Variants in PTN observed in about 807,000 individuals in gnomAD.
The protein encoded by PTN is pleiotrophin.
A neutral mutation model predicts 24.1 loss-of-function variants in PTN; 18 were observed. That is an observed-to-expected ratio of 0.75 (90% CI 0.52 to 1.11). The LOEUF (loss-of-function observed/expected upper bound fraction) is 1.11, where lower values mean the gene tolerates loss of function less well. Among genes scored for constraint, PTN ranks in the 50% least tolerant of loss-of-function variants. The pLI is 0.00. For missense variants in PTN, 163 were observed against 198.8 expected, an observed-to-expected ratio of 0.82 and a Z score of 1.08; for synonymous variants, 78 against 68.6, an observed-to-expected ratio of 1.14 and a Z score of -0.67.
At chr7:137,306,091 C>A (rs1376316702) in intron 1 of PTN, among the ~76,000 whole-genome samples, 1 of 152,100 alleles carries the variant, frequency 6.6e-6, no homozygotes, top group Non-Finnish European at 1.5e-5. Flanking sequence ...CTGCCAGATT[C>A]TCATTAGGTC....
At chr7:137,237,030 TATAG>T (rs1430566921) in intron 4 of PTN, among the ~76,000 whole-genome samples, 3 of 152,180 alleles carry the variant, frequency 2.0e-5, no homozygotes, top group Non-Finnish European at 4.4e-5. Flanking sequence ...AAATTATAGA[TATAG>T]ATATAGTTAA....
intron 1 of PTN, among the ~76,000 whole-genome samples, chr7:137,337,961 CT>C (rs1049295735): frequency 5.3e-5 from 8 of 152,174 alleles, no homozygotes; most frequent in African/African-American, 1.9e-4. Flanking sequence ...TGCTAGGGTT[CT>C]TGAGAGAATG....
intron 4 of PTN, among the ~76,000 whole-genome samples, chr7:137,250,541 A>C (rs1465999731): frequency 6.6e-6 from 1 of 152,224 alleles, no homozygotes; most frequent in Non-Finnish European, 1.5e-5. Context: ...ATTTGGGAAA[A>C]CACAATTCAG....
At chr7:137,321,561 T>C (rs1455916951) in intron 1 of PTN, among the ~76,000 whole-genome samples, 1 of 152,250 alleles carries the variant, frequency 6.6e-6, no homozygotes, top group East Asian at 1.9e-4. Context: ...ATATTTTATA[T>C]ATAGGTTTAT....
At chr7:137,250,003 G>A (rs1808795433) in intron 4 of PTN, among the ~76,000 whole-genome samples, 1 of 152,088 alleles carries the variant, frequency 6.6e-6, no homozygotes, top group Non-Finnish European at 1.5e-5. Flanking sequence ...ACCTTCTGCA[G>A]ATTTTTTTTT....
chr7:137,340,409 G>T (rs371560679), intron 1 of PTN, among the ~76,000 whole-genome samples: 1 of 152,078 alleles, frequency 6.6e-6, no homozygotes, highest in Non-Finnish European at 1.5e-5. Context: ...AAACTATGCC[G>T]CACACTAGAC....
chr7:137,244,227 T>C (rs1808683039), intron 4 of PTN, among the ~76,000 whole-genome samples: 1 of 152,152 alleles, frequency 6.6e-6, no homozygotes, highest in African/African-American at 2.4e-5. Flanking sequence ...GCAATGAACC[T>C]TTCCCAGAGT....
chr7:137,313,002 T>C (rs527689702), intron 1 of PTN, among the ~76,000 whole-genome samples: 14 of 152,282 alleles, frequency 9.2e-5, no homozygotes, highest in South Asian at 8.3e-4. Context: ...TTATATGTGG[T>C]TTTGTTACAA....
chr7:137,254,540 ATT>A (rs71758827), intron 2 of PTN, among the ~76,000 whole-genome samples: 27,430 of 146,818 alleles, frequency 0.19, 3,089 homozygotes, highest in African/African-American at 0.31. Flanking sequence ...GTTGCAGTGC[ATT>A]TTTTTTTTTT....
chr7:137,229,556 C>G (rs1808393703), intron 4 of PTN, among the ~76,000 whole-genome samples: 1 of 151,770 alleles, frequency 6.6e-6, no homozygotes, highest in African/African-American at 2.4e-5. Flanking sequence ...AGTAGTATTT[C>G]TGTTCAATGT....
At position 137,331,584 on chromosome 7, in the gene PTN, C is replaced by T. The variant is rs565498390; in HGVS notation, c.-2+11855G>A. Among the ~76,000 whole-genome samples the T allele has an allele frequency of 7.9e-5, 12 of 152,264 alleles. No individual in the cohort carries two copies. In the East Asian group the frequency reaches 1.5e-3, roughly 20 times the overall value. ...CAAATAATAACAGAGCAAATAACTC[C>T]CTGAAGGATGCCAAGCCCTGGAGCG... On this transcript the variant is annotated intron_variant, in intron 1 of 4. Coordinates refer to ENST00000348225, the MANE Select transcript of PTN (RefSeq NM_002825.7).
intron 1 of PTN, chr7:137,327,000 A>G (rs1810273822): frequency 6.6e-6 from 1 of 152,202 alleles, no homozygotes; most frequent in East Asian, 1.9e-4. Flanking sequence ...AAAGTTGTGA[A>G]ACAGAGAAAG....
At chr7:137,328,163 A>T (rs1810292695) in intron 1 of PTN, among the ~76,000 whole-genome samples, 1 of 152,152 alleles carries the variant, frequency 6.6e-6, no homozygotes, top group African/African-American at 2.4e-5. Context: ...CCTTTTAAAA[A>T]TTTTTACTGT....
At chr7:137,239,177 C>T (rs1457382064) in intron 4 of PTN, among the ~76,000 whole-genome samples, 2 of 152,136 alleles carry the variant, frequency 1.3e-5, no homozygotes, top group African/African-American at 2.4e-5. Context: ...GAGTAAAACA[C>T]ACAAATGACT....
At chr7:137,265,480 A>G (rs1809125615) in intron 1 of PTN, among the ~76,000 whole-genome samples, 1 of 152,210 alleles carries the variant, frequency 6.6e-6, no homozygotes. Context: ...GCATCCCTTC[A>G]GGTCTCCAAG....
intron 1 of PTN, among the ~76,000 whole-genome samples, chr7:137,265,695 C>T (rs945257719): frequency 6.6e-6 from 1 of 152,196 alleles, no homozygotes; most frequent in African/African-American, 2.4e-5. Flanking sequence ...ACTGGAGGAC[C>T]ATCTTAGTGG....
chr7:137,311,435 C>T (rs1196938821), intron 1 of PTN, among the ~76,000 whole-genome samples: 2 of 152,150 alleles, frequency 1.3e-5, no homozygotes, highest in Non-Finnish European at 2.9e-5. Context: ...CTTTCCTTTG[C>T]ATTCACAATT....
In PTN at chr7:137,288,971, A is replaced by G. The variant is rs372114236; in HGVS notation, c.-1-33997T>C. Among the ~76,000 whole-genome samples the G allele has an allele frequency of 2.0e-5, 3 of 152,166 alleles. No homozygotes were observed. The East Asian group carries it at 5.8e-4, about 29-fold the overall frequency. ...TCCCTACTGAAATAATGTTAAGATT[A>G]CTATTTATTTTGCACTTATATGCAG... On this transcript the variant is annotated intron_variant, in intron 1 of 4. Coordinates refer to ENST00000348225, the MANE Select transcript of PTN (RefSeq NM_002825.7).
At chr7:137,251,184 G>A in intron 4 of PTN, 46 bp downstream of exon 4, 21 of 1,594,738 alleles carry the variant, frequency 1.3e-5, no homozygotes, top group Non-Finnish European at 1.8e-5. Context: ...GATCTTACCT[G>A]AGTCCATCAA....
Sources: gnomAD v4.1 joint callset for allele counts (sites outside exome capture counted in the v4.1 genomes callset) on GRCh38, gnomAD v4.1.1 for gene constraint, MANE v1.5 for transcripts, NCBI Gene and HGNC (gene_info 2026-07-23, HGNC 2026-07-21) for gene names.